Variants in MAST4 observed in about 807,000 individuals in gnomAD.
MAST4 encodes the protein microtubule-associated serine/threonine-protein kinase 4.
In MAST4, 89 loss-of-function variants were observed where a neutral mutation model predicts 162.7. That is an observed-to-expected ratio of 0.55 (90% CI 0.46 to 0.65). The LOEUF is 0.65. Ranked by LOEUF, MAST4 falls within the 30% of genes least tolerant of loss-of-function variation. The pLI is 0.00. For missense variants in MAST4, 3,153 were observed against 3,374.0 expected (o/e 0.93, Z 1.62); for synonymous variants, 1,479 against 1,361.1 (o/e 1.09, Z -1.91).
chr5:67,026,239 C>G (rs961718958), intron 4 of MAST4, among the ~76,000 whole-genome samples: 1 of 152,166 alleles, frequency 6.6e-6, no homozygotes, highest in African/African-American at 2.4e-5. Flanking sequence ...ACCTATATAC[C>G]TACCACCTTC....
chr5:66,613,916 A>G (rs1162193709), intron 1 of MAST4, among the ~76,000 whole-genome samples: 2 of 147,606 alleles, frequency 1.4e-5, no homozygotes, highest in African/African-American at 5.1e-5. Flanking sequence ...GGGTTAGTGG[A>G]TGCCAGTCAT....
chr5:67,049,025 A>ATATATATATATATACGTG (rs1561576247), intron 4 of MAST4, among the ~76,000 whole-genome samples: 2 of 69,082 alleles, frequency 2.9e-5, no homozygotes, highest in African/African-American at 6.5e-5. Flanking sequence ...ATATATACGT[A>ATATATATATATATACGTG]TATATATATA....
chr5:67,160,411 T>C, intron 26 of MAST4, 45 bp from the exon 27 acceptor site: 1 of 1,576,712 alleles, frequency 6.3e-7, no homozygotes, highest in Non-Finnish European at 8.6e-7. Context: ...CTGATCTTGC[T>C]TCATCACAGC....
intron 1 of MAST4, among the ~76,000 whole-genome samples, chr5:66,678,029 A>G (rs1303347893): frequency 6.6e-6 from 1 of 152,182 alleles, no homozygotes; most frequent in Non-Finnish European, 1.5e-5. Flanking sequence ...AGGAATTGGA[A>G]GCATTGAAGA....
At chr5:66,794,277 C>G (rs1309044220) in intron 3 of MAST4, among the ~76,000 whole-genome samples, 1 of 152,064 alleles carries the variant, frequency 6.6e-6, no homozygotes, top group African/African-American at 2.4e-5. Context: ...GAGCTCAACT[C>G]CAGCTTCTGC....
intron 3 of MAST4, among the ~76,000 whole-genome samples, 190 bp downstream of exon 3, chr5:66,788,984 C>G (rs1755257424): frequency 6.6e-6 from 1 of 152,196 alleles, no homozygotes; most frequent in Non-Finnish European, 1.5e-5. Context: ...GGATTTCTCT[C>G]AATTTTGGCC....
intron 13 of MAST4, among the ~76,000 whole-genome samples, chr5:67,119,001 A>G (rs1767255839): frequency 6.6e-6 from 1 of 152,212 alleles, no homozygotes; most frequent in South Asian, 2.1e-4. Flanking sequence ...ACAGATTACT[A>G]GGGTAAGAAG....
intron 2 of MAST4, 64 bp from the exon 3 acceptor site, chr5:66,788,606 C>CCCCAA: frequency 2.1e-5 from 28 of 1,356,358 alleles, no homozygotes; most frequent in Non-Finnish European, 2.9e-5. Context: ...ACCCCCACCC[C>CCCCAA]CATTGCAATA....
intron 3 of MAST4, among the ~76,000 whole-genome samples, chr5:66,888,035 C>T (rs370123428): frequency 4.6e-4 from 69 of 151,548 alleles, no homozygotes; most frequent in African/African-American, 1.4e-3. Flanking sequence ...GGTGAAACCC[C>T]GTCTCTACTA....
intron 1 of MAST4, among the ~76,000 whole-genome samples, chr5:66,621,366 A>G (rs942523861): frequency 6.6e-6 from 1 of 152,208 alleles, no homozygotes; most frequent in African/African-American, 2.4e-5. Context: ...GTGCTATTGT[A>G]TGAGTAGCAG....
chr5:66,778,578 A>G (rs931240529), intron 2 of MAST4, among the ~76,000 whole-genome samples: 10 of 152,218 alleles, frequency 6.6e-5, no homozygotes, highest in Non-Finnish European at 1.5e-4. Context: ...AAAGTAAAAG[A>G]AAGGTCAAAT....
At chr5:66,705,260 C>G (rs1300040114) in intron 1 of MAST4, among the ~76,000 whole-genome samples, 1 of 152,144 alleles carries the variant, frequency 6.6e-6, no homozygotes, top group African/African-American at 2.4e-5. Context: ...TTTCCTGTAG[C>G]TTCCTTTTTT....
chr5:67,072,110 A>G (rs1023022331), intron 5 of MAST4, among the ~76,000 whole-genome samples: 24 of 152,190 alleles, frequency 1.6e-4, no homozygotes, highest in African/African-American at 5.8e-4. Context: ...ATGAAAAGCA[A>G]TTATTTCCTT....
At chr5:67,160,740 C>A in intron 27 of MAST4, 148 bp downstream of exon 27, 1 of 707,648 alleles carries the variant, frequency 1.4e-6, no homozygotes, top group East Asian at 3.0e-5. Context: ...ACATTAAAAT[C>A]CATATTCATA....
intron 1 of MAST4, among the ~76,000 whole-genome samples, chr5:66,738,548 G>T (rs774164734): frequency 4.6e-5 from 7 of 152,186 alleles, no homozygotes; most frequent in Non-Finnish European, 8.8e-5. Flanking sequence ...TGTTCTAATG[G>T]GGGAGGGAGA....
chr5:66,681,812 A>G (rs1272732959), intron 1 of MAST4, among the ~76,000 whole-genome samples: 2 of 152,198 alleles, frequency 1.3e-5, no homozygotes, highest in Non-Finnish European at 2.9e-5. Flanking sequence ...CTGCCTCTTC[A>G]TTAAACAACA....
intron 1 of MAST4, among the ~76,000 whole-genome samples, chr5:66,624,633 G>C (rs1374488688): frequency 6.6e-6 from 1 of 152,122 alleles, no homozygotes. Flanking sequence ...CCAACTTCCT[G>C]ACTTCAAATT....
chr5:66,943,097 C>T (rs761409843), intron 4 of MAST4, among the ~76,000 whole-genome samples: 2 of 152,064 alleles, frequency 1.3e-5, no homozygotes, highest in Non-Finnish European at 2.9e-5. Context: ...CAAATACCAT[C>T]ATATTGGGGG....
chr5:66,614,308 G>A (rs376256057), intron 1 of MAST4, among the ~76,000 whole-genome samples: 1 of 152,144 alleles, frequency 6.6e-6, no homozygotes, highest in East Asian at 1.9e-4. Context: ...TAACCACAGT[G>A]TGTACTCTGG....
Sources: gnomAD v4.1 joint callset for allele counts (sites outside exome capture counted in the v4.1 genomes callset) on GRCh38, gnomAD v4.1.1 for gene constraint, MANE v1.5 for transcripts, NCBI Gene and HGNC (gene_info 2026-07-23, HGNC 2026-07-21) for gene names.